WWOX: variants seen among roughly 807,000 people sequenced by gnomAD.
The protein encoded by WWOX is WW domain-containing oxidoreductase.
In WWOX, 69 loss-of-function variants were observed where a neutral mutation model predicts 46.2. The ratio of observed to expected loss-of-function variants is 1.49; its 90% CI spans 1.23 to 1.82. WWOX has a LOEUF of 1.82. Ranked by LOEUF, WWOX falls within the 40% of genes most tolerant of loss-of-function variation. The probability of loss-of-function intolerance (pLI) is 0.00; values close to 1 mark genes in which losing one functional copy is unlikely to be tolerated. For missense variants in WWOX, 919 were observed against 542.6 expected, an observed-to-expected ratio of 1.69 and a Z score of -6.89; for synonymous variants, 359 against 202.6, an observed-to-expected ratio of 1.77 and a Z score of -6.56.
At chr16:78,383,522 C>T (rs184288196) in intron 5 of WWOX, among the ~76,000 whole-genome samples, 1 of 152,264 alleles carries the variant, frequency 6.6e-6, no homozygotes, top group East Asian at 1.9e-4. Context: ...GCCTAACAAT[C>T]AGCAGTTCAC....
At chr16:78,187,593 TGA>T (rs2035751562) in intron 5 of WWOX, among the ~76,000 whole-genome samples, 1 of 151,848 alleles carries the variant, frequency 6.6e-6, no homozygotes, top group African/African-American at 2.4e-5. Context: ...ACACACAGAG[TGA>T]GACTCTGAGA....
At chr16:78,851,167 G>C (rs566912217) in intron 8 of WWOX, among the ~76,000 whole-genome samples, 5 of 152,266 alleles carry the variant, frequency 3.3e-5, no homozygotes, top group East Asian at 3.9e-4. Context: ...TGCTCATTCA[G>C]AAATTAGACT....
intron 8 of WWOX, among the ~76,000 whole-genome samples, chr16:78,843,410 C>T (rs1490779893): frequency 6.7e-6 from 1 of 149,954 alleles, no homozygotes; most frequent in Admixed American, 6.7e-5. Flanking sequence ...GCCAATCGCC[C>T]ATTCCTATGC....
intron 5 of WWOX, among the ~76,000 whole-genome samples, chr16:78,222,635 T>A (rs780452303): frequency 2.6e-5 from 4 of 152,208 alleles, no homozygotes; most frequent in Non-Finnish European, 4.4e-5. Flanking sequence ...AGCCTGTACT[T>A]CTTCGTATTT....
chr16:79,192,424 T>C (rs2150810847), intron 8 of WWOX, among the ~76,000 whole-genome samples: 1 of 152,306 alleles, frequency 6.6e-6, no homozygotes, highest in East Asian at 1.9e-4. Context: ...TGGGGAGATG[T>C]GTGTGAACAA....
intron 8 of WWOX, among the ~76,000 whole-genome samples, chr16:79,097,062 A>G (rs1178648002): frequency 2.7e-5 from 4 of 146,800 alleles, no homozygotes; most frequent in East Asian, 2.0e-4. Context: ...GTCAGGTTGG[A>G]TTTTTTTTTT....
intron 5 of WWOX, among the ~76,000 whole-genome samples, chr16:78,214,480 C>G (rs1227734223): frequency 6.6e-6 from 1 of 152,170 alleles, no homozygotes; most frequent in African/African-American, 2.4e-5. Context: ...CACTCCCACC[C>G]CTGTCATCCT....
intron 8 of WWOX, among the ~76,000 whole-genome samples, chr16:78,973,223 C>T (rs544223356): frequency 2.5e-4 from 38 of 152,214 alleles, no homozygotes; most frequent in African/African-American, 8.9e-4. Context: ...AACCACAGAC[C>T]GGAGCTTGTG....
intron 8 of WWOX, among the ~76,000 whole-genome samples, chr16:78,632,390 G>A (rs1044726982): frequency 2.0e-5 from 3 of 151,952 alleles, no homozygotes; most frequent in Admixed American, 6.6e-5. Flanking sequence ...CGCTACCTCC[G>A]TATTTGAGTC....
intron 8 of WWOX, among the ~76,000 whole-genome samples, chr16:78,502,728 G>A (rs1314717830): frequency 6.6e-6 from 1 of 152,158 alleles, no homozygotes; most frequent in Non-Finnish European, 1.5e-5. Context: ...CTGGGCAAGT[G>A]TCTTAAAATG....
At chr16:78,891,967 T>G (rs776889733) in intron 8 of WWOX, 1 of 152,162 alleles carries the variant, frequency 6.6e-6, no homozygotes, top group South Asian at 2.1e-4. Context: ...TTCCCTAGCT[T>G]GAGAAATCAT....
chr16:79,005,779 T>G (rs1195601971), intron 8 of WWOX, among the ~76,000 whole-genome samples: 1 of 152,188 alleles, frequency 6.6e-6, no homozygotes, highest in African/African-American at 2.4e-5. Flanking sequence ...GGTCACATTC[T>G]GAGGCCCTGG....
chr16:78,987,588 C>T (rs573522845), intron 8 of WWOX, among the ~76,000 whole-genome samples: 8 of 152,238 alleles, frequency 5.3e-5, no homozygotes, highest in African/African-American at 1.9e-4. Flanking sequence ...TTGGAAAAGA[C>T]CTCTTCAAGG....
At chr16:78,477,997 T>G (rs939544156) in intron 8 of WWOX, among the ~76,000 whole-genome samples, 2 of 152,200 alleles carry the variant, frequency 1.3e-5, no homozygotes, top group Admixed American at 6.5e-5. Flanking sequence ...TTTTCTATTT[T>G]TTAATACCTA....
At chr16:78,644,307 C>G (rs1337765387) in intron 8 of WWOX, among the ~76,000 whole-genome samples, 1 of 152,184 alleles carries the variant, frequency 6.6e-6, no homozygotes, top group Non-Finnish European at 1.5e-5. Context: ...ACAGGTAGTG[C>G]TGGTGGACAG....
intron 5 of WWOX, among the ~76,000 whole-genome samples, chr16:78,277,632 T>C (rs1156864422): frequency 6.6e-6 from 1 of 152,168 alleles, no homozygotes; most frequent in East Asian, 1.9e-4. Context: ...TGCATTTAGT[T>C]CTCTGCAAAG....
At chr16:78,107,998 G>C (rs1022576750) in intron 1 of WWOX, among the ~76,000 whole-genome samples, 9 of 151,730 alleles carry the variant, frequency 5.9e-5, no homozygotes, top group African/African-American at 1.9e-4. Flanking sequence ...GCGTGATCTC[G>C]GCTCACTGCA....
chr16:78,517,068 A>G (rs187176311), intron 8 of WWOX, among the ~76,000 whole-genome samples: 1 of 152,160 alleles, frequency 6.6e-6, no homozygotes, highest in Admixed American at 6.5e-5. Flanking sequence ...GTTTTATGAA[A>G]AAGTCTTCCA....
At chr16:79,197,681 C>G (rs1018401778) in intron 8 of WWOX, among the ~76,000 whole-genome samples, 1 of 152,182 alleles carries the variant, frequency 6.6e-6, no homozygotes. Context: ...TCTGTAATGA[C>G]ATGAAAAACA....
Sources: allele counts gnomAD v4.1 joint callset (sites outside exome capture counted in the v4.1 genomes callset), GRCh38; gene constraint gnomAD v4.1.1; transcripts MANE v1.5; gene names NCBI Gene and HGNC (gene_info 2026-07-23, HGNC 2026-07-21).